PAK5: variants seen among roughly 807,000 people sequenced by gnomAD.
PAK5 encodes p21 (RAC1) activated kinase 5.
In PAK5, 16 loss-of-function variants were observed where a neutral mutation model predicts 65.9. That is an observed-to-expected ratio of 0.24 (90% CI 0.16 to 0.37). The LOEUF (loss-of-function observed/expected upper bound fraction) is 0.37, where lower values mean the gene tolerates loss of function less well. Ranked by LOEUF, PAK5 falls within the 10% of genes least tolerant of loss-of-function variation. The probability of loss-of-function intolerance (pLI) is 1.00; values close to 1 mark genes in which losing one functional copy is unlikely to be tolerated. For missense variants in PAK5, 785 were observed against 903.9 expected (o/e 0.87, Z 1.69); for synonymous variants, 371 against 354.9 (o/e 1.05, Z -0.51).
intron 1 of PAK5, among the ~76,000 whole-genome samples, chr20:9,818,434 G>A (rs1314576840): frequency 6.6e-6 from 1 of 152,114 alleles, no homozygotes; most frequent in Non-Finnish European, 1.5e-5. Flanking sequence ...TACCTATCAT[G>A]ATGGCCCTAA....
chr20:9,697,068 A>G (rs2047878837), intron 2 of PAK5, among the ~76,000 whole-genome samples: 1 of 152,084 alleles, frequency 6.6e-6, no homozygotes, highest in African/African-American at 2.4e-5. Flanking sequence ...GCACAAAATG[A>G]CCTGAATCAT....
At chr20:9,729,426 T>C (rs944431420) in intron 1 of PAK5, among the ~76,000 whole-genome samples, 3 of 152,148 alleles carry the variant, frequency 2.0e-5, no homozygotes, top group Non-Finnish European at 4.4e-5. Flanking sequence ...ATACTGCTGG[T>C]TGTTGTCTCA....
intron 3 of PAK5, among the ~76,000 whole-genome samples, chr20:9,639,603 A>C (rs557661391): frequency 1.7e-4 from 26 of 152,218 alleles, no homozygotes; most frequent in Non-Finnish European, 2.8e-4. Flanking sequence ...TATACTTGAG[A>C]TGTATCTTCC....
Position 9,767,356 on chromosome 20 carries a change from G to A in PAK5, c.-161-55921C>T, listed in dbSNP as rs140517084. Among the ~76,000 whole-genome samples, 492 of 152,162 alleles carry A rather than the reference G, an allele frequency of 3.2e-3. 4 individuals carry two copies. The highest frequency in any genetic ancestry group is 0.011 in the African/African-American group (462 of 41,516). On this transcript the variant is annotated intron_variant, in intron 1 of 9. Transcript: ENST00000353224. Reference sequence around the variant, plus strand: ...TCATTCTATTTATTAAATCAGGTCCGCTAAGGTCCACTCACCTGTCTGCTT... The same window carrying A: ...TCATTCTATTTATTAAATCAGGTCCACTAAGGTCCACTCACCTGTCTGCTT...
intron 6 of PAK5, among the ~76,000 whole-genome samples, chr20:9,560,891 G>A (rs2122969112): frequency 6.6e-6 from 1 of 152,298 alleles, no homozygotes; most frequent in Middle Eastern, 3.4e-3. Context: ...AGAAATACCT[G>A]AGTATTTGGG....
chr20:9,537,560 A>G lies in PAK5; in HGVS notation c.*1902T>C. The G allele has an allele frequency of 4.8e-6, 1 of 208,768 alleles. No homozygotes were observed. The highest frequency in any genetic ancestry group is 9.8e-6 in the Non-Finnish European group (1 of 102,350). The allele number at this position is 208,768 out of a possible 1,614,324, so 12.9% of individuals were successfully genotyped here. On this transcript the variant is annotated 3_prime_UTR_variant, in exon 10 of 10. Transcript: ENST00000353224. ...CCATTACACTGTCGAAAATGTTTGGAATCCAAAATCCACTATTTTCTGCAA... is the reference window on the plus strand; with the variant it reads ...CCATTACACTGTCGAAAATGTTTGGGATCCAAAATCCACTATTTTCTGCAA...
At chr20:9,769,631 C>G (rs2048811189) in intron 1 of PAK5, among the ~76,000 whole-genome samples, 1 of 152,242 alleles carries the variant, frequency 6.6e-6, no homozygotes, top group Admixed American at 6.5e-5. Context: ...TTCCAGCTTC[C>G]CTTCAAGCCC....
At chr20:9,830,887 T>C (rs968215614) in intron 1 of PAK5, among the ~76,000 whole-genome samples, 1 of 152,242 alleles carries the variant, frequency 6.6e-6, no homozygotes, top group African/African-American at 2.4e-5. Context: ...TTCAACCCTG[T>C]TTACCCCTAA....
intron 1 of PAK5, among the ~76,000 whole-genome samples, chr20:9,796,458 G>A (rs2049105759): frequency 6.6e-6 from 1 of 152,224 alleles, no homozygotes; most frequent in East Asian, 1.9e-4. Flanking sequence ...ATGGGACATG[G>A]CTATTGTATA....
At chr20:9,559,469 TTGATGAGTA>T (rs1476693460) in intron 6 of PAK5, among the ~76,000 whole-genome samples, 2 of 152,084 alleles carry the variant, frequency 1.3e-5, no homozygotes, top group African/African-American at 4.8e-5. Context: ...AGGTATAAAG[TTGATGAGTA>T]TGAAGAAACA....
At chr20:9,826,574 G>C (rs1223196978) in intron 1 of PAK5, among the ~76,000 whole-genome samples, 2 of 152,120 alleles carry the variant, frequency 1.3e-5, no homozygotes, top group African/African-American at 4.8e-5. Context: ...TATCATCCTA[G>C]AATCTTCTAT....
intron 1 of PAK5, among the ~76,000 whole-genome samples, chr20:9,724,486 T>G (rs2048253573): frequency 6.6e-6 from 1 of 152,206 alleles, no homozygotes; most frequent in Non-Finnish European, 1.5e-5. Context: ...GGAAAAGCCC[T>G]AGAAATATGT....
chr20:9,796,664 T>C (rs1211047420), intron 1 of PAK5, among the ~76,000 whole-genome samples: 4 of 152,062 alleles, frequency 2.6e-5, no homozygotes, highest in African/African-American at 4.8e-5. Context: ...CAAGGAAAGT[T>C]GTTGGGGTTA....
chr20:9,587,234 T>G lies in PAK5; in HGVS notation c.205-6304A>C, dbSNP rs141433895. 2.2e-3 allele frequency among the ~76,000 whole-genome samples: 328 copies of G among 152,228 alleles called. 2 individuals are homozygous for G. Among genetic ancestry groups the G allele is most frequent in the African/African-American group, 7.8e-3 (323 of 41,554 alleles). On this transcript the variant is annotated intron_variant, in intron 3 of 9. Coordinates refer to ENST00000353224, the MANE Select transcript of PAK5 (RefSeq NM_177990.4). ...AAACAACACCTAGAAGAAATAAATC[T>G]AGCTTCATATGGTGGGAAAAAAGGG...
At chr20:9,636,507 G>A (rs779676099) in intron 3 of PAK5, among the ~76,000 whole-genome samples, 4 of 152,070 alleles carry the variant, frequency 2.6e-5, no homozygotes, top group Admixed American at 6.6e-5. Context: ...ATAAAATACC[G>A]AAGACTACAA....
At chr20:9,756,617 T>C (rs1025663705) in intron 1 of PAK5, among the ~76,000 whole-genome samples, 18 of 152,228 alleles carry the variant, frequency 1.2e-4, no homozygotes, top group Non-Finnish European at 2.4e-4. Flanking sequence ...TTACGTTATC[T>C]ACATGTTAAA....
At chr20:9,591,768 C>T (rs2046175722) in intron 3 of PAK5, among the ~76,000 whole-genome samples, 1 of 152,140 alleles carries the variant, frequency 6.6e-6, no homozygotes, top group African/African-American at 2.4e-5. Flanking sequence ...TAGTACAAGG[C>T]ATATTTATTT....
chr20:9,648,606 A>C (rs1033562786), intron 2 of PAK5, among the ~76,000 whole-genome samples: 3 of 152,030 alleles, frequency 2.0e-5, no homozygotes, highest in Non-Finnish European at 2.9e-5. Context: ...TTTTTCTAGG[A>C]TATGCATCCT....
chr20:9,760,828 T>A (rs1222915274), intron 1 of PAK5, among the ~76,000 whole-genome samples: 1 of 151,958 alleles, frequency 6.6e-6, no homozygotes, highest in Non-Finnish European at 1.5e-5. Context: ...TGCATCACCA[T>A]GCTCAGCTAA....
Sources: allele counts gnomAD v4.1 joint callset (sites outside exome capture counted in the v4.1 genomes callset), GRCh38; gene constraint gnomAD v4.1.1; transcripts MANE v1.5; gene names NCBI Gene and HGNC (gene_info 2026-07-23, HGNC 2026-07-21).